USP15: variants seen among roughly 807,000 people sequenced by gnomAD.
USP15 encodes ubiquitin carboxyl-terminal hydrolase 15.
In USP15, 18 loss-of-function variants were observed where a neutral mutation model predicts 127.1. The ratio of observed to expected loss-of-function variants is 0.14; its 90% CI spans 0.10 to 0.21. USP15 has a LOEUF of 0.21. USP15 is among the 10% of genes least tolerant of loss of function. USP15 has a pLI of 1.00. For synonymous variants in USP15, 364 were observed against 393.7 expected, an observed-to-expected ratio of 0.92 and a Z score of 0.89; for missense variants, 805 against 1,159.9, an observed-to-expected ratio of 0.69 and a Z score of 4.44.
intron 6 of USP15, among the ~76,000 whole-genome samples, chr12:62,346,640 G>T (rs1342262625): frequency 6.6e-6 from 1 of 152,034 alleles, no homozygotes; most frequent in South Asian, 2.1e-4. Flanking sequence ...TCCCTAACTG[G>T]TCTCCCAATC....
intron 6 of USP15, among the ~76,000 whole-genome samples, chr12:62,341,893 G>C (rs1160331973): frequency 6.6e-6 from 1 of 152,072 alleles, no homozygotes; most frequent in African/African-American, 2.4e-5. Context: ...CTTAGTGGTG[G>C]TCTGTGTATT....
chr12:62,335,401 A>G lies in USP15; in HGVS notation c.683+9468A>G. 18 of 1,396,896 alleles carry G rather than the reference A, an allele frequency of 1.3e-5. No individual in the cohort carries two copies. In the South Asian group the frequency reaches 2.4e-4, roughly 18 times the overall value. 86.5% of individuals were successfully genotyped at this position (1,396,896 alleles called of 1,614,324 possible). A position where few individuals can be genotyped will look rare whatever the true frequency, so the allele number is the denominator to read the frequency against. On this transcript the variant is annotated intron_variant, in intron 6 of 21. Transcript: ENST00000280377. ...ACAGTAATGTCTGCAACAGTATTGT[A>G]AAATTGTTGTACTTTACCTGTCGAC... is the stretch of plus-strand genomic sequence containing the variant.
rs1303657662 is a variant in USP15, at chr12:62,404,280, G to A, written c.2851G>A (p.Ala951Thr). The A allele has an allele frequency of 2.5e-6, 4 of 1,613,174 alleles. No individual in the cohort carries two copies. The highest frequency in any genetic ancestry group is 2.2e-5 in the South Asian group (2 of 91,054). Residue 951 changes from alanine to threonine, a missense_variant, in exon 22 of 22, where the codon GCT (alanine) becomes ACT (threonine). Ala to Thr is a moderately conservative substitution (Grantham distance 58). Coordinates refer to ENST00000280377, the MANE Select transcript of USP15 (RefSeq NM_001252078.2). ...TCCTCTTGACCGAGAAACTAAAGGT[G>A]CTTCAGCTGCCACTGGCATCCCATT... ...FFPLDRETKG[A>T]SAATGIPLES...
chr12:62,295,177 C>A (rs915869292), intron 2 of USP15, among the ~76,000 whole-genome samples: 2 of 152,104 alleles, frequency 1.3e-5, no homozygotes, highest in African/African-American at 4.8e-5. Flanking sequence ...AACTATTAAA[C>A]CGCACTTTGC....
At position 62,414,907 on chromosome 12, in the gene USP15, C is replaced by T. The variant is rs1292950535; in HGVS notation, c.*10532C>T. On this transcript the variant is annotated 3_prime_UTR_variant, in exon 22 of 22. Coordinates refer to ENST00000280377, the MANE Select transcript of USP15 (RefSeq NM_001252078.2). ...TCAGGATTCTCCAGAGAAACAAGACCAATAGGATGCATATGTGTATACACA... is the reference window on the plus strand; with the variant it reads ...TCAGGATTCTCCAGAGAAACAAGACTAATAGGATGCATATGTGTATACACA... The T allele has an allele frequency of 1.3e-5, 2 of 148,828 alleles. No individual in the cohort carries two copies. The highest frequency in any genetic ancestry group is 3.0e-5 in the Non-Finnish European group (2 of 67,348). 9.2% of individuals were successfully genotyped at this position (148,828 alleles called of 1,614,324 possible).
intron 8 of USP15, among the ~76,000 whole-genome samples, chr12:62,364,024 G>A (rs1455024190): frequency 2.0e-5 from 3 of 152,100 alleles, no homozygotes; most frequent in Non-Finnish European, 4.4e-5. Context: ...TAGACAGTTG[G>A]ATATTCTAGT....
chr12:62,339,127 T>C (rs564056831), intron 6 of USP15, among the ~76,000 whole-genome samples: 1 of 152,262 alleles, frequency 6.6e-6, no homozygotes, highest in East Asian at 1.9e-4. Flanking sequence ...GTGGTATTCG[T>C]AGGTATTTTA....
At chr12:62,344,955 C>G (rs1053057985) in intron 6 of USP15, among the ~76,000 whole-genome samples, 1 of 152,222 alleles carries the variant, frequency 6.6e-6, no homozygotes, top group African/African-American at 2.4e-5. Context: ...ATAAAACCAT[C>G]TTTCCTTTTA....
chr12:62,389,905 A>C lies in USP15; in HGVS notation c.1761A>C (p.Ser587=), dbSNP rs1268795961. Residue 587 remains serine, a synonymous_variant, in exon 14 of 22, where the codon TCA becomes TCC. Coordinates refer to ENST00000280377, the MANE Select transcript of USP15 (RefSeq NM_001252078.2). ...GTTATACCCACCATACTGGTTCTTC[A>C]CTTTTTGGTCAGCCCTTTCTTATGG... ...HSSYTHHTGS[S]LFGQPFLMAV... is the part of the protein sequence containing the mutation. 6.2e-7 allele frequency: 1 copy of C among 1,613,920 alleles called. No homozygotes were observed. The highest frequency in any genetic ancestry group is 8.5e-7 in the Non-Finnish European group (1 of 1,179,880).
chr12:62,366,042 T>C (rs1233853687), intron 8 of USP15, among the ~76,000 whole-genome samples: 4 of 152,208 alleles, frequency 2.6e-5, no homozygotes, highest in Non-Finnish European at 5.9e-5. Flanking sequence ...GCCGGCTCTT[T>C]TCTGGTTCCA....
Position 62,314,816 on chromosome 12 carries a change from G to A in USP15, c.375G>A (p.Lys125=). The A allele has an allele frequency of 1.3e-6, 2 of 1,589,840 alleles. No individual in the cohort carries two copies. The highest frequency in any genetic ancestry group is 4.6e-5 in the East Asian group (2 of 43,284). The change falls in exon 4 of 22, where the codon AAG becomes AAA. Residue 125 remains lysine (K), a synonymous_variant. Coordinates refer to ENST00000280377, the MANE Select transcript of USP15 (RefSeq NM_001252078.2). ...RKVVEQGMFV[K]HCKVEVYLTE... is the part of the protein sequence containing the mutation. ...TGGTTGAACAGGGTATGTTTGTAAA[G>A]CACTGCAAAGTAGAAGTATATCTCA...
intron 8 of USP15, among the ~76,000 whole-genome samples, chr12:62,363,736 G>A (rs115976135): frequency 0.022 from 3,336 of 151,914 alleles, 124 homozygotes; most frequent in African/African-American, 0.075. Context: ...CATGACTGCT[G>A]GAATTTTGTT....
chr12:62,386,917 T>C (rs913100019), intron 11 of USP15, among the ~76,000 whole-genome samples: 1 of 152,168 alleles, frequency 6.6e-6, no homozygotes, highest in Non-Finnish European at 1.5e-5. Context: ...GATGGCAGTT[T>C]GAAGAACCAG....
At chr12:62,336,107 T>C (rs1455911721) in intron 6 of USP15, 4 of 985,312 alleles carry the variant, frequency 4.1e-6, no homozygotes, top group Non-Finnish European at 4.8e-6. Flanking sequence ...CTTAAATGCA[T>C]TGACATTCAC....
chr12:62,405,163 T>C lies in USP15; in HGVS notation c.*788T>C, dbSNP rs995337220. 7.2e-5 allele frequency: 11 copies of C among 152,106 alleles called. No homozygotes were observed. Among genetic ancestry groups the C allele is most frequent in the Non-Finnish European group, 1.3e-4 (9 of 67,982 alleles). 9.4% of individuals were successfully genotyped at this position (152,106 alleles called of 1,614,324 possible). A position where few individuals can be genotyped will look rare whatever the true frequency, so the allele number is the denominator to read the frequency against. The stretch of plus-strand genomic sequence containing the variant: ...ATGCATATCTTTAATTGGGTGTTGG[T>C]CCAAAATTAAAATTTTTGCTGTCTG... On this transcript the variant is annotated 3_prime_UTR_variant, in exon 22 of 22. Coordinates refer to ENST00000280377, the MANE Select transcript of USP15 (RefSeq NM_001252078.2).
intron 9 of USP15, among the ~76,000 whole-genome samples, chr12:62,383,379 A>G (rs919272537): frequency 5.3e-5 from 8 of 151,984 alleles, no homozygotes; most frequent in Admixed American, 4.6e-4. Flanking sequence ...AAACAGTGCT[A>G]TAACTCATGT....
intron 8 of USP15, among the ~76,000 whole-genome samples, chr12:62,362,980 A>G (rs1317924853): frequency 1.3e-5 from 2 of 152,172 alleles, no homozygotes; most frequent in Non-Finnish European, 2.9e-5. Context: ...AAGAAGGGCA[A>G]GTTTGAGGAA....
chr12:62,313,030 A>G (rs2064728160), intron 3 of USP15, among the ~76,000 whole-genome samples: 1 of 151,714 alleles, frequency 6.6e-6, no homozygotes. Flanking sequence ...TAAAAACAAC[A>G]CCTTGTTAAT....
chr12:62,346,525 A>T (rs535944462), intron 6 of USP15, among the ~76,000 whole-genome samples: 1 of 152,206 alleles, frequency 6.6e-6, no homozygotes, highest in African/African-American at 2.4e-5. Context: ...TCCATGGACT[A>T]TACTTTGAGA....
Sources: gnomAD v4.1 joint callset for allele counts (sites outside exome capture counted in the v4.1 genomes callset) on GRCh38, gnomAD v4.1.1 for gene constraint, MANE v1.5 for transcripts, NCBI Gene and HGNC (gene_info 2026-07-23, HGNC 2026-07-21) for gene names.